The following MAP4 variants were observed in gnomAD, a reference collection of about 807,000 sequenced individuals.
The protein encoded by MAP4 is microtubule-associated protein 4.
MAP4 carries 76 observed loss-of-function variants against 170.2 expected under a neutral mutation model. That is an observed-to-expected ratio of 0.45 (90% CI 0.37 to 0.54). The LOEUF is 0.54. Ranked by LOEUF, MAP4 falls within the 20% of genes least tolerant of loss-of-function variation. The probability of loss-of-function intolerance (pLI) is 0.00; values close to 1 mark genes in which losing one functional copy is unlikely to be tolerated. For synonymous variants in MAP4, 909 were observed against 994.5 expected (o/e 0.91, Z 1.62); for missense variants, 2,506 against 2,748.0 (o/e 0.91, Z 1.97).
intron 2 of MAP4, among the ~76,000 whole-genome samples, chr3:47,995,364 C>T (rs2100094872): frequency 6.6e-6 from 1 of 151,426 alleles, no homozygotes; most frequent in Non-Finnish European, 1.5e-5. Context: ...GATTCTTGTA[C>T]CTCAGCCTCC....
rs546376411 is a variant in MAP4 at position 47,930,169 on chromosome 3, G to A, written c.293-1819C>T. Among the ~76,000 whole-genome samples the A allele has an allele frequency of 2.6e-5, 4 of 152,102 alleles. No individual in the cohort carries two copies. In the East Asian group the frequency reaches 7.8e-4, roughly 29 times the overall value. On this transcript the variant is annotated intron_variant, in intron 3 of 20. Coordinates refer to ENST00000683076, the MANE Select transcript of MAP4 (RefSeq NM_001385682.1). Reference sequence around the variant, plus strand: ...AAACAAAAAAACAAAAGACAGGCCGGGCGCGGTGGCTCACGCCTGTAATCC... The same window carrying A: ...AAACAAAAAAACAAAAGACAGGCCGAGCGCGGTGGCTCACGCCTGTAATCC...
intron 3 of MAP4, among the ~76,000 whole-genome samples, chr3:47,967,013 A>G (rs1409211366): frequency 6.6e-6 from 1 of 152,204 alleles, no homozygotes; most frequent in Non-Finnish European, 1.5e-5. Flanking sequence ...AACATTGTTC[A>G]GATTTTGAGG....
rs2100123224 is a variant in MAP4, at chr3:48,044,302, C to CCAGCTACACCACCCACTA, written c.-20+44470_-20+44471insTAGTGGGTGGTGTAGCTG. On this transcript the variant is annotated intron_variant, in intron 1 of 18. Coordinates refer to the MAP4 transcript ENST00000360240. Reference sequence around the variant, plus strand: ...CCCGAGTAGCTGGGACTACAGGCACCCGCCACCACGCCCGGCTAATTTTTT... The same window carrying CCAGCTACACCACCCACTA: ...CCCGAGTAGCTGGGACTACAGGCACCCAGCTACACCACCCACTACGCCACCACGCCCGGCTAATTTTTT... Among the ~76,000 whole-genome samples the CCAGCTACACCACCCACTA allele has an allele frequency of 2.7e-5, 4 of 148,658 alleles. No individual in the cohort carries two copies. In the Admixed American group the frequency reaches 2.7e-4, roughly 10 times the overall value.
At chr3:48,074,688 G>GTGTGTGTGTGTGTGTGTGTA (rs2100142904) in intron 1 of MAP4, among the ~76,000 whole-genome samples, 1 of 142,898 alleles carries the variant, frequency 7.0e-6, no homozygotes, top group Non-Finnish European at 1.5e-5. Flanking sequence ...GTGTGTGTGT[G>GTGTGTGTGTGTGTGTGTGTA]TGTGTGTGTG....
At chr3:48,023,583 G>A (rs2154487936) in intron 1 of MAP4, among the ~76,000 whole-genome samples, 1 of 152,320 alleles carries the variant, frequency 6.6e-6, no homozygotes, top group South Asian at 2.1e-4. Flanking sequence ...CTCTAAGTCT[G>A]CATGTGCTGA....
chr3:47,869,404 T>G, intron 15 of MAP4, 77 bp from the exon 16 acceptor site: 1 of 977,568 alleles, frequency 1.0e-6, no homozygotes, highest in South Asian at 1.3e-5. Flanking sequence ...AAGAAGGCTG[T>G]AGGGGACTCA....
intron 11 of MAP4, chr3:47,877,214 G>T: frequency 3.9e-6 from 2 of 508,912 alleles, no homozygotes; most frequent in Non-Finnish European, 3.6e-6. Context: ...AAGATAATAG[G>T]GTCAAAGGCT....
At chr3:48,046,651 A>G (rs540702275) in intron 1 of MAP4, among the ~76,000 whole-genome samples, 2 of 152,338 alleles carry the variant, frequency 1.3e-5, no homozygotes, top group South Asian at 4.1e-4. Context: ...TCTAACAGTT[A>G]GAAAAATAAA....
chr3:48,072,050 T>A (rs1279902931), intron 1 of MAP4, among the ~76,000 whole-genome samples: 1 of 150,580 alleles, frequency 6.6e-6, no homozygotes, highest in Non-Finnish European at 1.5e-5. Flanking sequence ...AACATAAACA[T>A]TAGCCAGGCA....
intron 1 of MAP4, among the ~76,000 whole-genome samples, chr3:48,057,413 A>C (rs1258258977): frequency 3.0e-5 from 4 of 132,812 alleles, no homozygotes; most frequent in East Asian, 4.2e-4. Flanking sequence ...TGAAGGCAGC[A>C]TGCTCGTTAA....
At chr3:48,022,042 C>A (rs1005706538) in intron 1 of MAP4, among the ~76,000 whole-genome samples, 29 of 152,178 alleles carry the variant, frequency 1.9e-4, no homozygotes, top group African/African-American at 5.1e-4. Flanking sequence ...GAAACGGAAC[C>A]ACATGCATAT....
chr3:47,977,452 C>T (rs1178766796), intron 3 of MAP4, among the ~76,000 whole-genome samples: 1 of 152,164 alleles, frequency 6.6e-6, no homozygotes, highest in East Asian at 1.9e-4. Context: ...ATAAATAACT[C>T]CTAATTTGTT....
chr3:47,949,892 T>C (rs573006939), intron 3 of MAP4, among the ~76,000 whole-genome samples: 2 of 151,608 alleles, frequency 1.3e-5, no homozygotes, highest in African/African-American at 4.9e-5. Flanking sequence ...GATACCACAA[T>C]GAGTGGCTTC....
intron 2 of MAP4, among the ~76,000 whole-genome samples, chr3:47,985,351 C>T (rs1400863826): frequency 6.6e-6 from 1 of 151,992 alleles, no homozygotes; most frequent in Non-Finnish European, 1.5e-5. Context: ...GGCTGGAAGA[C>T]TGCTTGAGCC....
chr3:48,069,417 G>A (rs1313432098), intron 1 of MAP4, among the ~76,000 whole-genome samples: 3 of 152,280 alleles, frequency 2.0e-5, no homozygotes, highest in Middle Eastern at 3.4e-3. Flanking sequence ...TTATTATGTG[G>A]TACAGATGAA....
At chr3:48,042,150 C>T (rs1165209949) in intron 1 of MAP4, among the ~76,000 whole-genome samples, 1 of 152,170 alleles carries the variant, frequency 6.6e-6, no homozygotes, top group Non-Finnish European at 1.5e-5. Flanking sequence ...GTCAGAAGCA[C>T]AGGTAAAATA....
chr3:47,915,371 C>T (rs1339844402), intron 7 of MAP4, among the ~76,000 whole-genome samples: 1 of 152,096 alleles, frequency 6.6e-6, no homozygotes, highest in Non-Finnish European at 1.5e-5. Flanking sequence ...CCACCTCGGC[C>T]GCCCAAAGTG....
chr3:47,979,337 C>A (rs1475529197), intron 2 of MAP4, among the ~76,000 whole-genome samples: 1 of 152,050 alleles, frequency 6.6e-6, no homozygotes, highest in Non-Finnish European at 1.5e-5. Context: ...ATTGCCTTTG[C>A]ACCTTTGTAA....
rs1360369201 is a variant in MAP4 at position 47,911,507 on chromosome 3, A to G, written c.2914T>C (p.Leu972=). ...KPTAAKEIPN[L]VPTLIASNPL... is the part of the protein sequence containing the mutation. ...TTACTTGCTATCAAAGTGGGTACCA[A>G]ATTTGGTATTTCTTTTGCTGCTGTG... Residue 972 remains leucine, a synonymous_variant, in exon 9 of 21, where the codon TTG becomes CTG. Coordinates refer to ENST00000683076, the MANE Select transcript of MAP4 (RefSeq NM_001385682.1). The surrounding 1 kb of genome is among the most constrained non-coding windows in gnomAD (Gnocchi z 4.0). 1 of 1,535,738 alleles carries G rather than the reference A, an allele frequency of 6.5e-7. No individual in the cohort carries two copies. The highest frequency in any genetic ancestry group is 2.4e-5 in the East Asian group (1 of 40,922).
Sources: gnomAD v4.1 joint callset for allele counts (sites outside exome capture counted in the v4.1 genomes callset) on GRCh38, gnomAD v4.1.1 for gene constraint, Gnocchi (gnomAD v3.1) non-coding constraint, MANE v1.5 for transcripts, NCBI Gene and HGNC (gene_info 2026-07-23, HGNC 2026-07-21) for gene names.